The following CUL4B variants were observed in gnomAD, a reference collection of about 807,000 sequenced individuals.
The protein encoded by CUL4B is cullin-4B.
CUL4B carries 1 observed loss-of-function variant against 69.2 expected under a neutral mutation model. The observed-to-expected ratio is 0.01, with a 90% CI of 0.01 to 0.07. The LOEUF is 0.07. Among genes scored for constraint, CUL4B ranks in the 10% least tolerant of loss-of-function variants. The probability of loss-of-function intolerance (pLI) is 1.00; values close to 1 mark genes in which losing one functional copy is unlikely to be tolerated. For missense variants in CUL4B, 328 were observed against 638.8 expected, an observed-to-expected ratio of 0.51 and a Z score of 5.24; for synonymous variants, 237 against 223.2, an observed-to-expected ratio of 1.06 and a Z score of -0.55.
In CUL4B at chrX:120,531,639, T is replaced by C. The variant is rs182978680; in HGVS notation, c.2439+783A>G. Among the ~76,000 whole-genome samples, 720 of 109,554 alleles carry C rather than the reference T, an allele frequency of 6.6e-3. 2 individuals carry two copies. Among genetic ancestry groups the C allele is most frequent in the Non-Finnish European group, 0.011 (570 of 52,556 alleles). ...CACGCCCAGCTGATTTTTGTATTTT[T>C]AGTAGAGACAGGGTATCGCCATGTT... On this transcript the variant is annotated intron_variant, in intron 18 of 19. Transcript: ENST00000371322.
At chrX:120,543,948 T>C in intron 7 of CUL4B, 139 bp from the exon 8 acceptor site, 3 of 572,258 alleles carry the variant, frequency 5.2e-6, no homozygotes, top group Non-Finnish European at 8.8e-6. Flanking sequence ...GTAGAGTTTA[T>C]GATCCAGAAT....
At chrX:120,549,235 G>C (rs1434175361) in intron 2 of CUL4B, among the ~76,000 whole-genome samples, 1 of 112,164 alleles carries the variant, frequency 8.9e-6, no homozygotes, top group Non-Finnish European at 1.9e-5. Context: ...CCAATATGCA[G>C]GTCCAGTAAA....
At position 120,525,257 on chromosome X, in the gene CUL4B, A is replaced by C. The variant is rs1922904981; in HGVS notation, c.*1504T>G. ...TCAACAGTAGACACAAGAGTCAAAA[A>C]TCTTCTCAGGTTGAAGATTAGGACA... is the stretch of plus-strand genomic sequence containing the variant. On this transcript the variant is annotated 3_prime_UTR_variant, in exon 20 of 20. Transcript: ENST00000371322. The C allele has an allele frequency of 8.9e-6, 1 of 111,747 alleles. No homozygotes were observed. The highest frequency in any genetic ancestry group is 1.9e-5 in the Non-Finnish European group (1 of 53,104). The allele number at this position is 111,747 out of a possible 1,213,427, so 9.2% of individuals were successfully genotyped here. A position where few individuals can be genotyped will look rare whatever the true frequency, so the allele number is the denominator to read the frequency against.
At chrX:120,532,917 G>A (rs1157208851) in intron 17 of CUL4B, among the ~76,000 whole-genome samples, 4 of 111,838 alleles carry the variant, frequency 3.6e-5, no homozygotes, top group Middle Eastern at 4.7e-3. Context: ...TTTTAAAGAC[G>A]TCAATTATCA....
At chrX:120,553,984 C>T (rs973729681) in intron 2 of CUL4B, among the ~76,000 whole-genome samples, 3 of 111,294 alleles carry the variant, frequency 2.7e-5, no homozygotes, top group Non-Finnish European at 5.7e-5. Flanking sequence ...TTTTCAATTT[C>T]GCTAATGGTG....
intron 16 of CUL4B, among the ~76,000 whole-genome samples, chrX:120,535,257 G>C (rs1307744810): frequency 1.8e-5 from 2 of 111,619 alleles, no homozygotes; most frequent in South Asian, 3.7e-4. Context: ...CACAGGTGAG[G>C]AAAGGGTAGG....
chrX:120,560,013 A>G (rs1335343459), intron 1 of CUL4B, 70 bp downstream of exon 1: 1 of 1,208,465 alleles, frequency 8.3e-7, no homozygotes, highest in African/African-American at 1.8e-5. Context: ...ATATATTAAC[A>G]TAAATAGAGC....
intron 1 of CUL4B, chrX:120,574,741 A>C (rs780887931): frequency 1.5e-6 from 1 of 648,079 alleles, no homozygotes; most frequent in East Asian, 3.4e-5. Context: ...TATTTGTTCC[A>C]TATCTTCAAG....
Position 120,525,381 on chromosome X carries a change from G to A in CUL4B, c.*1380C>T, listed in dbSNP as rs190469409. 10 of 111,292 alleles carry A rather than the reference G, an allele frequency of 9.0e-5. No individual in the cohort carries two copies. The East Asian group carries it at 2.5e-3, about 28-fold the overall frequency. The allele number at this position is 111,292 out of a possible 1,213,427, so 9.2% of individuals were successfully genotyped here. A position where few individuals can be genotyped will look rare whatever the true frequency, so the allele number is the denominator to read the frequency against. On this transcript the variant is annotated 3_prime_UTR_variant, in exon 20 of 20. Coordinates refer to ENST00000371322, the MANE Select transcript of CUL4B (RefSeq NM_001079872.2). ...TTAACAAACATAAACAAAATTTTCT[G>A]CTTCTCCTCCCTTCAAAGCTTCAAG...
intron 14 of CUL4B, 81 bp from the exon 15 acceptor site, chrX:120,537,115 T>C: frequency 2.8e-6 from 2 of 716,075 alleles, no homozygotes; most frequent in Non-Finnish European, 4.4e-6. Context: ...AGAAGTTCCC[T>C]GTTATGAAAT....
chrX:120,553,375 C>T (rs1352992781), intron 2 of CUL4B, among the ~76,000 whole-genome samples: 1 of 111,605 alleles, frequency 9.0e-6, no homozygotes, highest in Admixed American at 9.6e-5. Context: ...TGATTCTAGT[C>T]CTGTGGTCAT....
rs1041437179 is a variant in CUL4B at position 120,539,982 on chromosome X, G to A, written c.1636+388C>T. On this transcript the variant is annotated intron_variant, in intron 11 of 19. Coordinates refer to ENST00000371322, the MANE Select transcript of CUL4B (RefSeq NM_001079872.2). ...GTATATCACATCCTTATGCTAAATG[G>A]GCCCAGATTATTAGGTTTATTTTTG... is the stretch of plus-strand genomic sequence containing the variant. Among the ~76,000 whole-genome samples the A allele has an allele frequency of 1.3e-3, 147 of 111,151 alleles. 1 individual carries two copies. Among genetic ancestry groups the A allele is most frequent in the African/African-American group, 4.5e-3 (139 of 30,622 alleles).
chrX:120,572,294 TCTTTA>T (rs1231805097), intron 2 of CUL4B, among the ~76,000 whole-genome samples: 1 of 108,487 alleles, frequency 9.2e-6, no homozygotes, highest in Non-Finnish European at 1.9e-5. Flanking sequence ...TGAAACCCTG[TCTTTA>T]CTTAAAAAAT....
downstream of CUL4B, among the ~76,000 whole-genome samples, chrX:120,566,532 G>C (rs1020421920): frequency 2.3e-4 from 24 of 105,113 alleles, no homozygotes; most frequent in African/African-American, 8.3e-4. Flanking sequence ...CAAGTAGCTG[G>C]GATTACAGGC....
chrX:120,560,492 A>ACTG lies in CUL4B; in HGVS notation c.144_146dup (p.Ser49dup). ...AGTCTTCTCTCTCGTTACTACTGTTACTGCTGCTACTGCTGCTGCTGTTTA... is the reference window on the plus strand; with the variant it reads ...AGTCTTCTCTCTCGTTACTACTGTTACTGCTGCTGCTACTGCTGCTGCTGTTTA... On this transcript the variant is annotated inframe_insertion, in exon 1 of 20. Coordinates refer to ENST00000371322, the MANE Select transcript of CUL4B (RefSeq NM_001079872.2). 1 of 1,209,323 alleles carries ACTG rather than the reference A, an allele frequency of 8.3e-7. No homozygotes were observed. The highest frequency in any genetic ancestry group is 1.1e-6 in the Non-Finnish European group (1 of 894,006).
chrX:120,573,074 T>A (rs1351751988), intron 2 of CUL4B, among the ~76,000 whole-genome samples: 1 of 111,752 alleles, frequency 8.9e-6, no homozygotes, highest in African/African-American at 3.3e-5. Context: ...CAGATAAGCA[T>A]ACAAAAAAGA....
intron 1 of CUL4B, among the ~76,000 whole-genome samples, chrX:120,558,553 C>G (rs1309089291): frequency 8.9e-6 from 1 of 111,926 alleles, no homozygotes; most frequent in Non-Finnish European, 1.9e-5. Context: ...AGCTGGGATT[C>G]TAATTCAGGT....
At chrX:120,569,700 G>C (rs908786778), downstream of CUL4B, among the ~76,000 whole-genome samples, 1 of 111,729 alleles carries the variant, frequency 9.0e-6, no homozygotes, top group African/African-American at 3.3e-5. Flanking sequence ...GGTGGGTAAG[G>C]CAGACAATTA....
rs749176803 is a variant in CUL4B, at chrX:120,560,391, A to G, written c.248T>C (p.Phe83Ser). The G allele has an allele frequency of 9.9e-6, 12 of 1,207,865 alleles. No individual in the cohort carries two copies. The highest frequency in any genetic ancestry group is 1.3e-5 in the Non-Finnish European group (12 of 893,162). The change falls in exon 1 of 20, where the codon TTC becomes TCC. Residue 83 changes from phenylalanine (F) to serine (S), a missense_variant. Coordinates refer to ENST00000371322, the MANE Select transcript of CUL4B (RefSeq NM_001079872.2). Reference sequence around the variant, plus strand: ...AGCAGCCACTGAAACCCCCAGGCAGAAGGACGAGGTTGAAGGGGATGCCGA... The same window carrying G: ...AGCAGCCACTGAAACCCCCAGGCAGGAGGACGAGGTTGAAGGGGATGCCGA... The part of the protein sequence containing the change: ...RDSASPSTSS[F>S]CLGVSVAASS...
Sources: allele counts gnomAD v4.1 joint callset (sites outside exome capture counted in the v4.1 genomes callset), GRCh38; gene constraint gnomAD v4.1.1; transcripts MANE v1.5; gene names NCBI Gene and HGNC (gene_info 2026-07-23, HGNC 2026-07-21).